TOE1: variants seen among roughly 807,000 people sequenced by gnomAD.
The protein encoded by TOE1 is target of EGR1, exonuclease, also known as target of EGR1 protein 1.
Under a neutral mutation model 49.2 loss-of-function variants are expected in TOE1, and 50 were observed. The ratio of observed to expected loss-of-function variants is 1.02; its 90% CI spans 0.81 to 1.29. TOE1 has a LOEUF of 1.29. Among genes scored for constraint, TOE1 ranks in the 50% most tolerant of loss-of-function variants. The pLI is 0.00. For synonymous variants in TOE1, 221 were observed against 247.0 expected (o/e 0.89, Z 0.99); for missense variants, 544 against 654.4 (o/e 0.83, Z 1.84).
In TOE1 at chr1:45,342,826, C is replaced by T. The variant is rs112774997; in HGVS notation, c.753-17C>T. On this transcript the variant is annotated splice_polypyrimidine_tract_variant and intron_variant, in intron 6 of 7. Coordinates refer to ENST00000372090, the MANE Select transcript of TOE1 (RefSeq NM_025077.4). Reference sequence around the variant, plus strand: ...GCTTATATGCTAGTGGACCATTACCCTCTTGCGCTGTTGCAGTGAACGGGA... The same window carrying T: ...GCTTATATGCTAGTGGACCATTACCTTCTTGCGCTGTTGCAGTGAACGGGA... The T allele has an allele frequency of 6.2e-5, 100 of 1,614,022 alleles. 1 individual carries two copies. In the Middle Eastern group the frequency reaches 8.2e-4, roughly 13 times the overall value.
chr1:45,340,326 G>A (rs1646837773), intron 1 of TOE1, 22 bp downstream of exon 1: 2 of 1,606,144 alleles, frequency 1.2e-6, no homozygotes, highest in Non-Finnish European at 1.7e-6. Context: ...CCCAGAGGTA[G>A]CCTTCAAAGC....
Sources: gnomAD v4.1 joint callset for allele counts on GRCh38, gnomAD v4.1.1 for gene constraint, MANE v1.5 for transcripts, NCBI Gene and HGNC (gene_info 2026-07-23, HGNC 2026-07-21) for gene names.